FBRSL1: variants seen among roughly 807,000 people sequenced by gnomAD.
FBRSL1 encodes the protein fibrosin-1-like protein.
In FBRSL1, 51 loss-of-function variants were observed where a neutral mutation model predicts 89.6. The ratio of observed to expected loss-of-function variants is 0.57; its 90% CI spans 0.45 to 0.72. The LOEUF is 0.72. Among genes scored for constraint, FBRSL1 ranks in the 30% least tolerant of loss-of-function variants. The probability of loss-of-function intolerance (pLI) is 0.00; values close to 1 mark genes in which losing one functional copy is unlikely to be tolerated. For missense variants in FBRSL1, 1,618 were observed against 1,451.8 expected (o/e 1.11, Z -1.86); for synonymous variants, 779 against 681.1 (o/e 1.14, Z -2.24).
At chr12:132,580,818 T>C (rs2040693622) in intron 15 of FBRSL1, 4 of 985,328 alleles carry the variant, frequency 4.1e-6, no homozygotes, top group Non-Finnish European at 4.8e-6. Context: ...TGGACCCATG[T>C]GGAGGACGGC....
intron 14 of FBRSL1, among the ~76,000 whole-genome samples, chr12:132,574,843 G>GCAC (rs2040276222): frequency 6.6e-6 from 1 of 152,090 alleles, no homozygotes; most frequent in Non-Finnish European, 1.5e-5. Context: ...ACGGGGTGCC[G>GCAC]CACCAGCTCC....
intron 6 of FBRSL1, among the ~76,000 whole-genome samples, chr12:132,569,089 G>T (rs2039830803): frequency 1.3e-5 from 2 of 152,266 alleles, no homozygotes; most frequent in African/African-American, 4.8e-5. Context: ...CCCCCTGACC[G>T]TGGCAGCTCC....
At chr12:132,549,681 C>T (rs2037985560) in intron 5 of FBRSL1, among the ~76,000 whole-genome samples, 1 of 152,206 alleles carries the variant, frequency 6.6e-6, no homozygotes, top group African/African-American at 2.4e-5. Flanking sequence ...CACCTGTGGC[C>T]CCGGAGGCCA....
chr12:132,507,315 C>T (rs970546679), intron 1 of FBRSL1: 5 of 985,458 alleles, frequency 5.1e-6, no homozygotes, highest in African/African-American at 1.7e-5. Context: ...GCTGGCTCCT[C>T]TGGACCCTAA....
chr12:132,523,529 G>A (rs1593334534), intron 2 of FBRSL1, among the ~76,000 whole-genome samples: 1 of 152,124 alleles, frequency 6.6e-6, no homozygotes, highest in South Asian at 2.1e-4. Flanking sequence ...GTGTAGAGAG[G>A]TGCCCTACTC....
At chr12:132,506,429 G>A (rs116525845) in intron 1 of FBRSL1, among the ~76,000 whole-genome samples, 1,710 of 152,256 alleles carry the variant, frequency 0.011, 29 homozygotes, top group African/African-American at 0.038. Flanking sequence ...GGTACCACCC[G>A]GTCCCGCCTC....
chr12:132,519,820 A>G (rs1271056561), intron 2 of FBRSL1, among the ~76,000 whole-genome samples: 2 of 150,986 alleles, frequency 1.3e-5, no homozygotes, highest in Non-Finnish European at 2.9e-5. Flanking sequence ...GAGGCAGAGA[A>G]TCGCTTGAAC....
In FBRSL1 at chr12:132,508,326, G is replaced by A; in HGVS notation, c.465G>A (p.Lys155=). 1 of 1,540,126 alleles carries A rather than the reference G, an allele frequency of 6.5e-7. No homozygotes were observed. Among genetic ancestry groups the A allele is most frequent in the Non-Finnish European group, 8.8e-7 (1 of 1,142,688 alleles). ...DLEPACDGAR[K]VPLQPSKQMK... is the part of the protein sequence containing the mutation. ...AACCCGCCTGCGATGGGGCGAGAAA[G>A]GTCCCACTGCAGCCCTCCAAGCAGG... Residue 155 remains lysine (K), a synonymous_variant, in exon 2 of 19, where the codon AAG becomes AAA. Coordinates refer to ENST00000680143, the MANE Select transcript of FBRSL1 (RefSeq NM_001367871.1).
intron 18 of FBRSL1, 112 bp downstream of exon 18, chr12:132,582,378 T>C: frequency 1.3e-6 from 1 of 775,518 alleles, no homozygotes; most frequent in Non-Finnish European, 2.0e-6. Flanking sequence ...CCGTTTCCTC[T>C]CCCTCACCGT....
rs1399183348 is a variant in FBRSL1, at chr12:132,490,732, C to T, written c.162C>T (p.Pro54=). 10 of 991,648 alleles carry T rather than the reference C, an allele frequency of 1.0e-5. No individual in the cohort carries two copies. The highest frequency in any genetic ancestry group is 7.2e-6 in the Non-Finnish European group (6 of 836,374). The allele number at this position is 991,648 out of a possible 1,614,324, so 61.4% of individuals were successfully genotyped here. A position where few individuals can be genotyped will look rare whatever the true frequency, so the allele number is the denominator to read the frequency against. Residue 54 remains proline, a synonymous_variant, in exon 1 of 19, where the codon CCC becomes CCT. Coordinates refer to ENST00000680143, the MANE Select transcript of FBRSL1 (RefSeq NM_001367871.1). ...KENAGLRGAP[P]RGAAPAPRTA... ...ACGCGGGCCTCCGCGGCGCGCCCCCCCGAGGCGCCGCCCCCGCGCCCCGCA... is the reference window on the plus strand; with the variant it reads ...ACGCGGGCCTCCGCGGCGCGCCCCCTCGAGGCGCCGCCCCCGCGCCCCGCA...
intron 4 of FBRSL1, among the ~76,000 whole-genome samples, chr12:132,544,532 GCAGA>G (rs1347348785): frequency 1.3e-5 from 2 of 152,194 alleles, no homozygotes; most frequent in Non-Finnish European, 2.9e-5. Context: ...GGCTTTGTGG[GCAGA>G]CAATGATGGT....
In FBRSL1 at chr12:132,585,117, AC is replaced by A. The variant is rs1022412384; in HGVS notation, c.*1342del. 1 of 150,358 alleles carries A rather than the reference AC, an allele frequency of 6.7e-6. No individual in the cohort carries two copies. The highest frequency in any genetic ancestry group is 2.5e-5 in the African/African-American group (1 of 39,756). 9.3% of individuals were successfully genotyped at this position (150,358 alleles called of 1,614,324 possible). A position where few individuals can be genotyped will look rare whatever the true frequency, so the allele number is the denominator to read the frequency against. On this transcript the variant is annotated 3_prime_UTR_variant, in exon 19 of 19. Coordinates refer to ENST00000680143, the MANE Select transcript of FBRSL1 (RefSeq NM_001367871.1). ...TGTTTCAGCCACATTTCCACGGTGGACCCTGTTTGTTTTAAATATTCTGTTC... is the reference window on the plus strand; with the variant it reads ...TGTTTCAGCCACATTTCCACGGTGGACCTGTTTGTTTTAAATATTCTGTTC...
intron 5 of FBRSL1, among the ~76,000 whole-genome samples, chr12:132,560,643 C>T (rs1005717629): frequency 1.3e-5 from 2 of 152,180 alleles, no homozygotes; most frequent in African/African-American, 2.4e-5. Context: ...GAGGCTGCTC[C>T]GCGGGTCGGG....
At chr12:132,504,912 C>T (rs1283876271) in intron 1 of FBRSL1, among the ~76,000 whole-genome samples, 2 of 152,118 alleles carry the variant, frequency 1.3e-5, no homozygotes, top group Non-Finnish European at 1.5e-5. Flanking sequence ...GGCGGATCAC[C>T]TGAGGTCAGG....
Position 132,574,336 on chromosome 12 carries a change from G to C in FBRSL1, c.1617G>C (p.Arg539=), listed in dbSNP as rs1402044734. 1 of 1,549,318 alleles carries C rather than the reference G, an allele frequency of 6.5e-7. No individual in the cohort carries two copies. The highest frequency in any genetic ancestry group is 2.4e-5 in the East Asian group (1 of 40,846). Residue 539 remains arginine (R), a synonymous_variant, in exon 13 of 19, where the codon CGG becomes CGC. Transcript: ENST00000680143. The stretch of plus-strand genomic sequence containing the variant: ...CTCCACAGGTGTCTGACCCGTACCG[G>C]GCGGTGGTCAAGGTGAGCACGTGTT... ...QKAPGVSDPY[R]AVVKKPGRWC...
chr12:132,516,483 TAG>T (rs2034854392), intron 2 of FBRSL1, among the ~76,000 whole-genome samples: 3 of 152,182 alleles, frequency 2.0e-5, no homozygotes, highest in African/African-American at 4.8e-5. Context: ...ACGCCCGGCT[TAG>T]ATAATCTGAA....
At chr12:132,504,571 G>A (rs762122370) in intron 1 of FBRSL1, among the ~76,000 whole-genome samples, 11 of 152,116 alleles carry the variant, frequency 7.2e-5, no homozygotes, top group Non-Finnish European at 1.6e-4. Flanking sequence ...CGCAGGTGTG[G>A]TGCCACGGGT....
chr12:132,565,532 T>TATACGTACCCGAGTGTGCTCAC (rs1248376334), intron 5 of FBRSL1: 64,212 of 151,570 alleles, frequency 0.42, 14,450 homozygotes, highest in East Asian at 0.84. Context: ...AGTGTGCTCA[T>TATACGTACCCGAGTGTGCTCAC]GTACACGTAC....
At chr12:132,537,895 G>A (rs548190585) in intron 4 of FBRSL1, among the ~76,000 whole-genome samples, 4 of 152,322 alleles carry the variant, frequency 2.6e-5, no homozygotes, top group East Asian at 3.9e-4. Context: ...GGAGATCATC[G>A]CTGGGTGGGA....
Sources: allele counts gnomAD v4.1 joint callset (sites outside exome capture counted in the v4.1 genomes callset), GRCh38; gene constraint gnomAD v4.1.1; transcripts MANE v1.5; gene names NCBI Gene and HGNC (gene_info 2026-07-23, HGNC 2026-07-21).